FAM161B: variants seen among roughly 807,000 people sequenced by gnomAD.
FAM161B encodes FAM161 centrosomal protein B.
FAM161B carries 46 observed loss-of-function variants against 61.5 expected under a neutral mutation model. The ratio of observed to expected loss-of-function variants is 0.75; its 90% CI spans 0.59 to 0.96. The LOEUF is 0.96. Ranked by LOEUF, FAM161B falls within the 40% of genes least tolerant of loss-of-function variation. The pLI is 0.00. For missense variants in FAM161B, 774 were observed against 800.7 expected, an observed-to-expected ratio of 0.97 and a Z score of 0.40; for synonymous variants, 284 against 302.7, an observed-to-expected ratio of 0.94 and a Z score of 0.64.
chr14:73,945,395 T>C (rs1028075975), intron 2 of FAM161B, among the ~76,000 whole-genome samples: 46 of 152,300 alleles, frequency 3.0e-4, no homozygotes, highest in Non-Finnish European at 1.2e-4. Context: ...TCAGGGAAAG[T>C]GTATTTAGGA....
At chr14:73,930,648 A>T (rs11624140), downstream of FAM161B, among the ~76,000 whole-genome samples, 2 of 151,632 alleles carry the variant, frequency 1.3e-5, no homozygotes, top group Non-Finnish European at 2.9e-5. Flanking sequence ...CTCAGGCTGG[A>T]GTGCAGTGCA....
the FAM161B span, among the ~76,000 whole-genome samples, chr14:73,926,354 T>A: frequency 6.8e-6 from 1 of 147,100 alleles, no homozygotes; most frequent in African/African-American, 2.5e-5. Flanking sequence ...TGTTTAATAC[T>A]TCTCTTAATT....
chr14:73,931,578 G>A (rs2055916417), downstream of FAM161B: 1 of 1,602,054 alleles, frequency 6.2e-7, no homozygotes, highest in African/African-American at 1.3e-5. Context: ...AACTCTATCT[G>A]ATCTCAAAAT....
At chr14:73,937,452 C>T in intron 7 of FAM161B, 150 bp downstream of exon 7, 1 of 665,818 alleles carries the variant, frequency 1.5e-6, no homozygotes, top group East Asian at 2.7e-5. Flanking sequence ...CTCTATTGTA[C>T]TATTTATTTT....
chr14:73,937,292 A>G (rs900188906), intron 7 of FAM161B, among the ~76,000 whole-genome samples: 1 of 151,570 alleles, frequency 6.6e-6, no homozygotes, highest in Non-Finnish European at 1.5e-5. Flanking sequence ...GAGCATAGAA[A>G]GAGCCAAATG....
chr14:73,942,982 C>G (rs1000272177), intron 3 of FAM161B, among the ~76,000 whole-genome samples: 3 of 151,942 alleles, frequency 2.0e-5, no homozygotes, highest in Non-Finnish European at 4.4e-5. Context: ...TCCAGAACAC[C>G]ACTGCCTGTG....
chr14:73,937,293 G>A (rs1248864196), intron 7 of FAM161B, among the ~76,000 whole-genome samples: 1 of 152,182 alleles, frequency 6.6e-6, no homozygotes, highest in East Asian at 1.9e-4. Context: ...AGCATAGAAA[G>A]AGCCAAATGG....
At chr14:73,937,087 TAAAAGAAGAAA>T (rs2055976102) in intron 7 of FAM161B, among the ~76,000 whole-genome samples, 1 of 135,512 alleles carries the variant, frequency 7.4e-6, no homozygotes, top group Non-Finnish European at 1.7e-5. Flanking sequence ...GCATACAAAA[TAAAAGAAGAAA>T]AAAAAATTTC....
chr14:73,931,485 G>T (rs764554684), downstream of FAM161B: 1 of 1,605,184 alleles, frequency 6.2e-7, no homozygotes, highest in Non-Finnish European at 8.5e-7. Context: ...TTCTAGATTT[G>T]CTTTCAATCT....
chr14:73,931,600 G>C, downstream of FAM161B: 1 of 1,517,940 alleles, frequency 6.6e-7, no homozygotes, highest in East Asian at 2.3e-5. Flanking sequence ...CGTATACTGG[G>C]AACAGGATGC....
At chr14:73,931,246 A>G (rs1334631044), downstream of FAM161B, among the ~76,000 whole-genome samples, 1 of 152,148 alleles carries the variant, frequency 6.6e-6, no homozygotes, top group Non-Finnish European at 1.5e-5. Flanking sequence ...TAACTACACA[A>G]ACAATAGTTT....
At chr14:73,941,369 G>A (rs1359149065) in intron 4 of FAM161B, among the ~76,000 whole-genome samples, 2 of 152,140 alleles carry the variant, frequency 1.3e-5, no homozygotes, top group South Asian at 2.1e-4. Flanking sequence ...TGATCCACCC[G>A]TGTCGGCCTC....
At chr14:73,939,048 C>CAG (rs1015435777) in intron 5 of FAM161B, among the ~76,000 whole-genome samples, 14 of 152,160 alleles carry the variant, frequency 9.2e-5, no homozygotes, top group African/African-American at 3.1e-4. Flanking sequence ...GCTGTAATCT[C>CAG]AGCACTTTGG....
chr14:73,946,517 T>C lies in FAM161B; in HGVS notation c.143A>G (p.Asp48Gly). Reference sequence around the variant, plus strand: ...CTCCTCCTCTGGGCTGAGGAACTCGTCAAGTTTGCTGGCCCTGGGCAAAAC... The same window carrying C: ...CTCCTCCTCTGGGCTGAGGAACTCGCCAAGTTTGCTGGCCCTGGGCAAAAC... ...GLVLPRASKLDEFLSPEEEID... is the reference protein window; with the variant it reads ...GLVLPRASKLGEFLSPEEEID... Residue 48 changes from aspartate to glycine, a missense_variant, in exon 2 of 9, where the codon GAC becomes GGC. Physicochemically the swap from Asp to Gly is moderately conservative, Grantham distance 94. Coordinates refer to ENST00000286544, the MANE Select transcript of FAM161B (RefSeq NM_152445.3). The C allele has an allele frequency of 6.2e-7, 1 of 1,614,166 alleles. No individual in the cohort carries two copies. The highest frequency in any genetic ancestry group is 8.5e-7 in the Non-Finnish European group (1 of 1,180,030).
Position 73,942,510 on chromosome 14 carries a change from G to T in FAM161B, c.1131C>A (p.Gly377=). Residue 377 remains glycine (G), a synonymous_variant, in exon 4 of 9, where the codon GGC becomes GGA. Transcript: ENST00000286544. ...RVNPVVPDYE[G]LYKAFQRRAA... is the part of the protein sequence containing the mutation. ...CTCTTCTCTGGAAGGCCTTGTAAAG[G>T]CCCTCATAGTCAGGGACCACAGGAT... 1 of 1,614,192 alleles carries T rather than the reference G, an allele frequency of 6.2e-7. No individual in the cohort carries two copies. The highest frequency in any genetic ancestry group is 1.3e-5 in the African/African-American group (1 of 75,040).
rs17094157 is a variant in FAM161B at position 73,949,962 on chromosome 14, T to C, written c.54+11A>G. On this transcript the variant is annotated intron_variant, in intron 1 of 8. Coordinates refer to ENST00000286544, the MANE Select transcript of FAM161B (RefSeq NM_152445.3). ...TTCCTTTCCCGGGGGCAGTCTCTTT[T>C]CTCTCCTCACCTGACGGCTCCCCTC... 0.073 allele frequency: 117,209 copies of C among 1,613,316 alleles called. 6,996 individuals are homozygous for C. Among genetic ancestry groups the C allele is most frequent in the South Asian group, 0.27 (24,143 of 91,066 alleles).
At chr14:73,948,116 G>T (rs753864125) in intron 1 of FAM161B, among the ~76,000 whole-genome samples, 1 of 152,052 alleles carries the variant, frequency 6.6e-6, no homozygotes, top group Non-Finnish European at 1.5e-5. Flanking sequence ...TACAGATGGG[G>T]TTTCACCATG....
chr14:73,937,920 C>A (rs2055984076), intron 6 of FAM161B, 28 bp downstream of exon 6: 1 of 1,612,436 alleles, frequency 6.2e-7, no homozygotes. Context: ...AAGGCAAGCA[C>A]CCCTTTTGAC....
intron 2 of FAM161B, among the ~76,000 whole-genome samples, chr14:73,945,260 T>TC (rs1369511407): frequency 1.1e-4 from 16 of 152,292 alleles, no homozygotes; most frequent in African/African-American, 3.9e-4. Flanking sequence ...AATGTCTACT[T>TC]ACCAGGTTAT....
Sources: gnomAD v4.1 joint callset for allele counts (sites outside exome capture counted in the v4.1 genomes callset) on GRCh38, gnomAD v4.1.1 for gene constraint, MANE v1.5 for transcripts, NCBI Gene and HGNC (gene_info 2026-07-23, HGNC 2026-07-21) for gene names.